Variants in DNM3 observed in about 807,000 individuals in gnomAD.
The protein encoded by DNM3 is dynamin-3.
DNM3 carries 47 observed loss-of-function variants against 101.6 expected under a neutral mutation model. The ratio of observed to expected loss-of-function variants is 0.46; its 90% confidence interval spans 0.37 to 0.59. The LOEUF is 0.59. Ranked by LOEUF, DNM3 falls within the 20% of genes least tolerant of loss-of-function variation. The pLI is 0.00. For missense variants in DNM3, 849 were observed against 1,085.7 expected, an observed-to-expected ratio of 0.78 and a Z score of 3.06; for synonymous variants, 385 against 387.9, an observed-to-expected ratio of 0.99 and a Z score of 0.09.
At chr1:172,080,336 C>A (rs1008933859) in intron 11 of DNM3, among the ~76,000 whole-genome samples, 2 of 152,122 alleles carry the variant, frequency 1.3e-5, no homozygotes, top group African/African-American at 4.8e-5. Context: ...GAGGAGGAAC[C>A]TAGGGAGGCA....
At chr1:172,232,717 A>G (rs951643800) in intron 14 of DNM3, among the ~76,000 whole-genome samples, 3 of 152,332 alleles carry the variant, frequency 2.0e-5, no homozygotes, top group East Asian at 1.9e-4. Context: ...TCAAGCTAGA[A>G]CTCAGGATTA....
chr1:171,866,041 A>G (rs2034711810), intron 1 of DNM3, among the ~76,000 whole-genome samples: 2 of 151,268 alleles, frequency 1.3e-5, no homozygotes, highest in Admixed American at 1.3e-4. Flanking sequence ...ACATATACTA[A>G]ATTTTGTACA....
intron 17 of DNM3, among the ~76,000 whole-genome samples, chr1:172,325,715 A>T (rs2065912387): frequency 6.6e-6 from 1 of 152,136 alleles, no homozygotes; most frequent in East Asian, 1.9e-4. Flanking sequence ...GCTTGTTCTG[A>T]GTTGTCCCCA....
intron 14 of DNM3, among the ~76,000 whole-genome samples, chr1:172,216,560 A>C (rs2060706938): frequency 6.6e-6 from 1 of 152,128 alleles, no homozygotes; most frequent in Admixed American, 6.6e-5. Flanking sequence ...TCTTAAATTC[A>C]AAAGGTTACT....
At chr1:172,365,629 T>C (rs529450575) in intron 17 of DNM3, among the ~76,000 whole-genome samples, 1 of 152,086 alleles carries the variant, frequency 6.6e-6, no homozygotes, top group East Asian at 1.9e-4. Flanking sequence ...AAAAAATGTT[T>C]AAATTGTCAT....
At chr1:172,239,279 G>T (rs1367380377) in intron 14 of DNM3, among the ~76,000 whole-genome samples, 1 of 152,180 alleles carries the variant, frequency 6.6e-6, no homozygotes, top group East Asian at 1.9e-4. Flanking sequence ...CAGTTCAAAA[G>T]CTTACAAGTA....
At chr1:172,106,964 C>T (rs1006965749) in intron 13 of DNM3, among the ~76,000 whole-genome samples, 3 of 141,800 alleles carry the variant, frequency 2.1e-5, no homozygotes, top group Non-Finnish European at 1.5e-5. Flanking sequence ...GGGTTCACGC[C>T]ATTCTCCTGC....
At chr1:171,923,974 C>T (rs1438840671) in intron 2 of DNM3, among the ~76,000 whole-genome samples, 1 of 152,086 alleles carries the variant, frequency 6.6e-6, no homozygotes, top group African/African-American at 2.4e-5. Context: ...AGAATAATGG[C>T]CTCCAGCTCA....
At chr1:171,849,414 T>C (rs935556128) in intron 1 of DNM3, among the ~76,000 whole-genome samples, 42 of 152,246 alleles carry the variant, frequency 2.8e-4, no homozygotes, top group Admixed American at 5.2e-4. Context: ...GTCCATAGTA[T>C]GCATTCAATA....
intron 17 of DNM3, among the ~76,000 whole-genome samples, chr1:172,348,807 T>C (rs1410744902): frequency 6.6e-6 from 1 of 152,176 alleles, no homozygotes; most frequent in Non-Finnish European, 1.5e-5. Context: ...TAACAAATAT[T>C]TCTGAGCTAG....
At chr1:171,892,431 T>TATA (rs1214710927) in intron 1 of DNM3, among the ~76,000 whole-genome samples, 1 of 152,206 alleles carries the variant, frequency 6.6e-6, no homozygotes, top group Non-Finnish European at 1.5e-5. Flanking sequence ...CCAACCTGTG[T>TATA]ATATACACAT....
At chr1:172,211,638 G>C (rs574328413) in intron 14 of DNM3, among the ~76,000 whole-genome samples, 1 of 151,934 alleles carries the variant, frequency 6.6e-6, no homozygotes, top group Non-Finnish European at 1.5e-5. Context: ...GAAAGTTACC[G>C]GTCTGAATCT....
intron 15 of DNM3, among the ~76,000 whole-genome samples, chr1:172,284,253 G>T (rs777027842): frequency 2.6e-4 from 39 of 152,066 alleles, no homozygotes; most frequent in Non-Finnish European, 4.9e-4. Context: ...CTTTATCTGG[G>T]TTATGAATTA....
In DNM3 at chr1:172,410,747, A is replaced by G. The variant is rs2071158899; in HGVS notation, c.*2906A>G. ...CCAATACAAACTCACTTTATTCTAA[A>G]GTATATTAATGAAACCAGTTCCTGT... On this transcript the variant is annotated 3_prime_UTR_variant, in exon 21 of 21. Transcript: ENST00000627582. The G allele has an allele frequency of 1.3e-5, 13 of 985,230 alleles. No homozygotes were observed. The highest frequency in any genetic ancestry group is 1.6e-5 in the Non-Finnish European group (13 of 829,854). 61.0% of individuals were successfully genotyped at this position (985,230 alleles called of 1,614,324 possible). A position where few individuals can be genotyped will look rare whatever the true frequency, so the allele number is the denominator to read the frequency against.
At chr1:172,073,547 A>T (rs916073550) in intron 11 of DNM3, among the ~76,000 whole-genome samples, 4 of 152,198 alleles carry the variant, frequency 2.6e-5, no homozygotes, top group African/African-American at 9.7e-5. Context: ...TTGGTTGGGT[A>T]GGGGATAAGG....
intron 15 of DNM3, among the ~76,000 whole-genome samples, chr1:172,275,609 G>A (rs775964820): frequency 1.7e-4 from 26 of 151,846 alleles, no homozygotes; most frequent in Non-Finnish European, 2.9e-4. Context: ...TCTTTCACAT[G>A]GCTCAACTGG....
rs2046903497 is a variant in DNM3, at chr1:172,008,941, A to G, written c.589+19793A>G. On this transcript the variant is annotated intron_variant, in intron 4 of 20. Coordinates refer to ENST00000627582, the MANE Select transcript of DNM3 (RefSeq NM_015569.5). ...AATATTATATTAATTAAATATTAAT[A>G]AATATATTATATTAATATATTTATA... 2.9e-5 allele frequency among the ~76,000 whole-genome samples: 4 copies of G among 138,488 alleles called. No individual in the cohort carries two copies. In the South Asian group the frequency reaches 8.5e-4, roughly 29 times the overall value. 90.9% of individuals were successfully genotyped at this position (138,488 alleles called of 152,430 possible).
rs571681958 is a variant in DNM3 at position 171,897,916 on chromosome 1, G to A, written c.162-23832G>A. ...GGACTAATCAAGTTTCTAGGTCTGC[G>A]GTTCATTTTTTTTTTTGACTAATAC... is the stretch of plus-strand genomic sequence containing the variant. On this transcript the variant is annotated intron_variant, in intron 1 of 20. Coordinates refer to ENST00000627582, the MANE Select transcript of DNM3 (RefSeq NM_015569.5). 1.7e-3 allele frequency among the ~76,000 whole-genome samples: 241 copies of A among 140,834 alleles called. 1 individual carries two copies. The highest frequency in any genetic ancestry group is 0.012 in the South Asian group (52 of 4,462). 92.4% of individuals were successfully genotyped at this position (140,834 alleles called of 152,430 possible).
intron 10 of DNM3, among the ~76,000 whole-genome samples, chr1:172,067,113 T>TA (rs1037873154): frequency 6.6e-6 from 1 of 152,188 alleles, no homozygotes; most frequent in African/African-American, 2.4e-5. Context: ...GTAAGTCTTA[T>TA]AAAAAAATAG....
Sources: allele counts gnomAD v4.1 joint callset (sites outside exome capture counted in the v4.1 genomes callset), GRCh38; gene constraint gnomAD v4.1.1; transcripts MANE v1.5; gene names NCBI Gene and HGNC (gene_info 2026-07-23, HGNC 2026-07-21).